ASIC2: variants seen among roughly 807,000 people sequenced by gnomAD.
ASIC2 encodes acid sensing ion channel subunit 2.
In ASIC2, 25 loss-of-function variants were observed where a neutral mutation model predicts 57.3. That is an observed-to-expected ratio of 0.44 (90% CI 0.32 to 0.61). The LOEUF (loss-of-function observed/expected upper bound fraction) is 0.61, where lower values mean the gene tolerates loss of function less well. Ranked by LOEUF, ASIC2 falls within the 20% of genes least tolerant of loss-of-function variation. The pLI is 0.06. For synonymous variants in ASIC2, 319 were observed against 307.5 expected, an observed-to-expected ratio of 1.04 and a Z score of -0.39; for missense variants, 641 against 738.1, an observed-to-expected ratio of 0.87 and a Z score of 1.52.
At chr17:33,109,423 T>C (rs1017857949) in intron 2 of ASIC2, among the ~76,000 whole-genome samples, 2 of 152,000 alleles carry the variant, frequency 1.3e-5, no homozygotes, top group Admixed American at 6.6e-5. Flanking sequence ...GCCCCATCCA[T>C]CCCCTGCCCC....
intron 1 of ASIC2, among the ~76,000 whole-genome samples, chr17:33,616,798 A>G (rs1905618340): frequency 6.6e-6 from 1 of 152,238 alleles, no homozygotes; most frequent in Non-Finnish European, 1.5e-5. Context: ...GAAAAATACC[A>G]TTCTTTAGCA....
In ASIC2 at chr17:34,103,231, A is replaced by T. The variant is rs375293041; in HGVS notation, c.555+52747T>A. On this transcript the variant is annotated intron_variant, in intron 1 of 9. Coordinates refer to the ASIC2 transcript ENST00000359872. ...CACTATCATGCCTCAACGTAGCCTC[A>T]ATCTCCCAGGCTTGAGCCACGCTCC... Among the ~76,000 whole-genome samples the T allele has an allele frequency of 9.9e-5, 15 of 152,240 alleles. No homozygotes were observed. In the South Asian group the frequency reaches 3.1e-3, roughly 32 times the overall value.
chr17:33,175,046 A>G (rs184032841), intron 1 of ASIC2, among the ~76,000 whole-genome samples: 13 of 152,208 alleles, frequency 8.5e-5, no homozygotes, highest in Middle Eastern at 3.2e-3. Flanking sequence ...AAGATGCTAT[A>G]AATTGAAAAG....
intron 2 of ASIC2, among the ~76,000 whole-genome samples, 192 bp from the exon 3 acceptor site, chr17:33,089,182 G>A (rs1173050308): frequency 6.6e-6 from 1 of 152,204 alleles, no homozygotes; most frequent in Admixed American, 6.5e-5. Context: ...GACATTGCAG[G>A]TGTGATTGAG....
chr17:33,526,443 C>T (rs777638292), intron 1 of ASIC2, among the ~76,000 whole-genome samples: 5 of 152,170 alleles, frequency 3.3e-5, no homozygotes, highest in Non-Finnish European at 5.9e-5. Flanking sequence ...TTTCTGGCTC[C>T]AGGAGTCCAC....
chr17:33,830,540 T>C (rs1913070645), intron 1 of ASIC2, among the ~76,000 whole-genome samples: 1 of 88,958 alleles, frequency 1.1e-5, no homozygotes, highest in Non-Finnish European at 2.3e-5. Context: ...TTTAAACATA[T>C]TTACATTAAA....
intron 1 of ASIC2, among the ~76,000 whole-genome samples, chr17:33,652,440 C>A (rs1906950118): frequency 6.6e-6 from 1 of 152,190 alleles, no homozygotes; most frequent in Admixed American, 6.5e-5. Flanking sequence ...TATACATGAT[C>A]TTATTCAATC....
intron 1 of ASIC2, among the ~76,000 whole-genome samples, chr17:34,041,971 A>C (rs1908149384): frequency 6.6e-6 from 1 of 152,240 alleles, no homozygotes; most frequent in African/African-American, 2.4e-5. Flanking sequence ...GTTCATCAAA[A>C]GACAGGAAAA....
intron 2 of ASIC2, among the ~76,000 whole-genome samples, chr17:33,107,125 A>G (rs960743701): frequency 3.3e-5 from 5 of 151,910 alleles, no homozygotes; most frequent in Non-Finnish European, 7.4e-5. Flanking sequence ...TTATCTTTGA[A>G]GTTACTTAGA....
chr17:33,186,360 C>T (rs1906194609), intron 1 of ASIC2, among the ~76,000 whole-genome samples: 1 of 152,194 alleles, frequency 6.6e-6, no homozygotes, highest in Non-Finnish European at 1.5e-5. Context: ...ATCTGCCCAA[C>T]TCAGCCTCCC....
At chr17:34,038,847 C>T in intron 1 of ASIC2, 1 of 1,612,306 alleles carries the variant, frequency 6.2e-7, no homozygotes, top group South Asian at 1.1e-5. Flanking sequence ...TTCCGCTTTG[C>T]TAACATTTTC....
intron 1 of ASIC2, among the ~76,000 whole-genome samples, chr17:34,049,373 C>T (rs1402166608): frequency 6.6e-6 from 1 of 152,154 alleles, no homozygotes; most frequent in Non-Finnish European, 1.5e-5. Context: ...GTAGAAGAGC[C>T]CTCCTGAGTT....
intron 1 of ASIC2, among the ~76,000 whole-genome samples, chr17:33,950,773 G>T (rs1381096196): frequency 6.6e-6 from 1 of 152,222 alleles, no homozygotes; most frequent in Non-Finnish European, 1.5e-5. Context: ...ATCTGCAAGG[G>T]CTGGGGTGCT....
chr17:33,958,232 G>A (rs1280531994), intron 1 of ASIC2, among the ~76,000 whole-genome samples: 1 of 152,208 alleles, frequency 6.6e-6, no homozygotes, highest in Non-Finnish European at 1.5e-5. Context: ...GATGCAAGCT[G>A]TAAGTGGATC....
intron 1 of ASIC2, among the ~76,000 whole-genome samples, chr17:33,174,504 G>C (rs1043297547): frequency 1.3e-5 from 2 of 151,980 alleles, no homozygotes; most frequent in Admixed American, 1.3e-4. Flanking sequence ...GAGAGATGCT[G>C]TGTACATGCT....
At chr17:33,104,618 A>C (rs1247921638) in intron 2 of ASIC2, among the ~76,000 whole-genome samples, 4 of 152,230 alleles carry the variant, frequency 2.6e-5, no homozygotes, top group Non-Finnish European at 5.9e-5. Context: ...ATTCAGTATA[A>C]TGATTCTGCT....
At chr17:33,290,260 GCAT>G (rs1179433450) in intron 1 of ASIC2, among the ~76,000 whole-genome samples, 4 of 152,210 alleles carry the variant, frequency 2.6e-5, no homozygotes, top group African/African-American at 9.6e-5. Flanking sequence ...TGGAACCGTG[GCAT>G]CTCTTTACCA....
chr17:33,384,765 C>T (rs1366850380), intron 1 of ASIC2, among the ~76,000 whole-genome samples: 4 of 152,222 alleles, frequency 2.6e-5, no homozygotes, highest in African/African-American at 7.2e-5. Flanking sequence ...GCCCTCTAGG[C>T]CAGCCCAAGC....
chr17:33,349,786 A>G lies in ASIC2; in HGVS notation c.556-237719T>C, dbSNP rs147822912. Among the ~76,000 whole-genome samples the G allele has an allele frequency of 4.6e-5, 7 of 152,368 alleles. No homozygotes were observed. In the East Asian group the frequency reaches 1.4e-3, roughly 29 times the overall value. On this transcript the variant is annotated intron_variant, in intron 1 of 9. Coordinates refer to the ASIC2 transcript ENST00000359872. ...ACTCAAAAAGAAAATAATCACACATAAAATATTTTGAAGAAAACACATTCC... is the reference window on the plus strand; with the variant it reads ...ACTCAAAAAGAAAATAATCACACATGAAATATTTTGAAGAAAACACATTCC...
Sources: gnomAD v4.1 joint callset for allele counts (sites outside exome capture counted in the v4.1 genomes callset) on GRCh38, gnomAD v4.1.1 for gene constraint, MANE v1.5 for transcripts, NCBI Gene and HGNC (gene_info 2026-07-23, HGNC 2026-07-21) for gene names.